The following TAX1BP1 variants were observed in gnomAD, a reference collection of about 807,000 sequenced individuals.
TAX1BP1 encodes Tax1 binding protein 1.
A neutral mutation model predicts 97.7 loss-of-function variants in TAX1BP1; 62 were observed. The observed-to-expected ratio is 0.63, with a 90% confidence interval of 0.52 to 0.78. The LOEUF is 0.78. Among genes scored for constraint, TAX1BP1 ranks in the 30% least tolerant of loss-of-function variants. The pLI is 0.00. For synonymous variants in TAX1BP1, 340 were observed against 304.2 expected, an observed-to-expected ratio of 1.12 and a Z score of -1.23; for missense variants, 867 against 916.1, an observed-to-expected ratio of 0.95 and a Z score of 0.69.
At chr7:27,766,080 G>C (rs1364910028) in intron 4 of TAX1BP1, 59 bp downstream of exon 4, 3 of 1,518,294 alleles carry the variant, frequency 2.0e-6, no homozygotes, top group African/African-American at 2.8e-5. Flanking sequence ...AGCTCATGTT[G>C]GTTGGCATTT....
At chr7:27,796,010 C>A in intron 11 of TAX1BP1, 106 bp from the exon 12 acceptor site, 1 of 752,224 alleles carries the variant, frequency 1.3e-6, no homozygotes, top group South Asian at 1.8e-5. Context: ...TTCAGCATTC[C>A]ATTTACTATA....
chr7:27,827,268 G>C (rs1366466045), intron 15 of TAX1BP1, among the ~76,000 whole-genome samples: 17 of 151,906 alleles, frequency 1.1e-4, no homozygotes, highest in Admixed American at 6.6e-5. Context: ...CATAAGAATT[G>C]CTTGAACCCA....
chr7:27,744,853 T>C lies in TAX1BP1; in HGVS notation c.-7-3665T>C, dbSNP rs190531558. Among the ~76,000 whole-genome samples, 440 of 152,310 alleles carry C rather than the reference T, an allele frequency of 2.9e-3. 6 individuals carry two copies. The highest frequency in any genetic ancestry group is 3.1e-3 in the Non-Finnish European group (214 of 68,024). On this transcript the variant is annotated intron_variant, in intron 1 of 16. Transcript: ENST00000396319. ...TATTTATCTTTTTTATAGACATTAA[T>C]GCATTCGCAAAATAATAAAATTGGA...
intron 12 of TAX1BP1, 133 bp downstream of exon 12, chr7:27,796,352 G>T: frequency 4.0e-6 from 3 of 753,052 alleles, no homozygotes; most frequent in Admixed American, 3.8e-5. Context: ...TTTCACTTTG[G>T]CTTTTGGGAT....
intron 3 of TAX1BP1, among the ~76,000 whole-genome samples, chr7:27,765,487 GTCC>G (rs1788598652): frequency 6.6e-6 from 1 of 152,110 alleles, no homozygotes; most frequent in African/African-American, 2.4e-5. Flanking sequence ...CCCACTCCCA[GTCC>G]TCAGTAGACT....
chr7:27,766,419 CAAAAAAAAAAAAAAAAAAAAAAAAAAAA>C (rs201297532), intron 4 of TAX1BP1, among the ~76,000 whole-genome samples: 2,110 of 76,904 alleles, frequency 0.027, 95 homozygotes, highest in South Asian at 0.1. Flanking sequence ...GACTCCGTAT[CAAAAAAAAAAAAAAAAAAAAAAAAAAAA>C]AAAAAAAAAA....
At chr7:27,773,615 A>T (rs1485350421) in intron 5 of TAX1BP1, among the ~76,000 whole-genome samples, 1 of 152,062 alleles carries the variant, frequency 6.6e-6, no homozygotes, top group Non-Finnish European at 1.5e-5. Context: ...TCCATGTTGT[A>T]ATATATATTG....
intron 12 of TAX1BP1, among the ~76,000 whole-genome samples, chr7:27,798,108 T>C (rs571861311): frequency 6.6e-6 from 1 of 152,214 alleles, no homozygotes; most frequent in African/African-American, 2.4e-5. Context: ...TCATGTAATA[T>C]GTACTTTTTT....
At chr7:27,791,243 T>C (rs1789694331) in intron 8 of TAX1BP1, among the ~76,000 whole-genome samples, 1 of 152,120 alleles carries the variant, frequency 6.6e-6, no homozygotes, top group Non-Finnish European at 1.5e-5. Context: ...GAAACCAATA[T>C]TGGGTTGCAT....
intron 15 of TAX1BP1, among the ~76,000 whole-genome samples, chr7:27,824,193 A>G (rs1244622514): frequency 6.6e-6 from 1 of 152,144 alleles, no homozygotes; most frequent in Non-Finnish European, 1.5e-5. Flanking sequence ...TTGAGGAACT[A>G]CCATGTATGA....
chr7:27,801,908 G>A (rs1450899564), intron 13 of TAX1BP1, among the ~76,000 whole-genome samples: 14 of 152,184 alleles, frequency 9.2e-5, no homozygotes, highest in Non-Finnish European at 1.5e-5. Context: ...TTGCCTTAGA[G>A]TTGTGTCCAA....
chr7:27,787,108 A>G (rs1789517292), intron 7 of TAX1BP1, among the ~76,000 whole-genome samples: 1 of 152,208 alleles, frequency 6.6e-6, no homozygotes, highest in Non-Finnish European at 1.5e-5. Context: ...CCAAAAGAAC[A>G]ACCAAATCTA....
At chr7:27,749,438 GTTTGT>G (rs1787943939) in intron 2 of TAX1BP1, among the ~76,000 whole-genome samples, 2 of 152,138 alleles carry the variant, frequency 1.3e-5, no homozygotes, top group African/African-American at 2.4e-5. Context: ...CTCAGAATCA[GTTTGT>G]TTTATTTTAG....
rs1012458954 is a variant in TAX1BP1, at chr7:27,785,515, T to C, written c.852+26T>C. On this transcript the variant is annotated intron_variant, in intron 7 of 16. Coordinates refer to ENST00000396319, the MANE Select transcript of TAX1BP1 (RefSeq NM_006024.7). ...GTAATTTATTTTTTACCATATCTATTGCCTGTTGCTTCAAAAGAAATGACC... is the reference window on the plus strand; with the variant it reads ...GTAATTTATTTTTTACCATATCTATCGCCTGTTGCTTCAAAAGAAATGACC... 3.2e-6 allele frequency: 5 copies of C among 1,566,776 alleles called. No homozygotes were observed. In the African/African-American group the frequency reaches 6.9e-5, roughly 21 times the overall value.
At chr7:27,762,373 G>T (rs1175042208) in intron 3 of TAX1BP1, among the ~76,000 whole-genome samples, 1 of 151,676 alleles carries the variant, frequency 6.6e-6, no homozygotes, top group Non-Finnish European at 1.5e-5. Context: ...TATTGTGATT[G>T]GTTTCCCCTT....
intron 5 of TAX1BP1, among the ~76,000 whole-genome samples, chr7:27,782,075 T>C (rs1789279583): frequency 6.6e-6 from 1 of 152,188 alleles, no homozygotes; most frequent in South Asian, 2.1e-4. Flanking sequence ...CTTAGCTCAC[T>C]GTAACATTTT....
chr7:27,768,052 T>G (rs1788707852), intron 4 of TAX1BP1, among the ~76,000 whole-genome samples: 3 of 151,832 alleles, frequency 2.0e-5, no homozygotes, highest in South Asian at 2.1e-4. Context: ...AAAAAAAAAC[T>G]GGGGGGATAG....
intron 5 of TAX1BP1, among the ~76,000 whole-genome samples, chr7:27,781,609 A>T (rs1265369177): frequency 6.6e-6 from 1 of 152,214 alleles, no homozygotes; most frequent in African/African-American, 2.4e-5. Flanking sequence ...GCTCTAGGTT[A>T]TTCAGGGAGT....
chr7:27,822,367 C>T (rs1384977442), intron 15 of TAX1BP1, among the ~76,000 whole-genome samples: 4 of 152,170 alleles, frequency 2.6e-5, no homozygotes, highest in Non-Finnish European at 1.5e-5. Context: ...GTTCCACTAG[C>T]AACTGCTGTA....
Sources: gnomAD v4.1 joint callset for allele counts (sites outside exome capture counted in the v4.1 genomes callset) on GRCh38, gnomAD v4.1.1 for gene constraint, MANE v1.5 for transcripts, NCBI Gene and HGNC (gene_info 2026-07-23, HGNC 2026-07-21) for gene names.